CSMD1: variants seen among roughly 807,000 people sequenced by gnomAD.
CSMD1 encodes CUB and sushi domain-containing protein 1.
In CSMD1, 213 loss-of-function variants were observed where a neutral mutation model predicts 417.5. The ratio of observed to expected loss-of-function variants is 0.51; its 90% CI spans 0.46 to 0.57. The LOEUF (loss-of-function observed/expected upper bound fraction) is 0.57, where lower values mean the gene tolerates loss of function less well. CSMD1 is among the 20% of genes least tolerant of loss of function. CSMD1 has a pLI of 0.00. For synonymous variants in CSMD1, 2,862 were observed against 1,736.8 expected (o/e 1.65, Z -16.11); for missense variants, 6,923 against 4,529.7 (o/e 1.53, Z -15.17).
intron 10 of CSMD1, among the ~76,000 whole-genome samples, chr8:3,574,319 C>T (rs768162807): frequency 1.3e-5 from 2 of 152,230 alleles, no homozygotes; most frequent in Non-Finnish European, 2.9e-5. Flanking sequence ...TGGCCCACTT[C>T]AAGCTCTGCC....
chr8:3,743,236 G>T (rs1796902358), intron 6 of CSMD1, among the ~76,000 whole-genome samples: 1 of 152,090 alleles, frequency 6.6e-6, no homozygotes, highest in Non-Finnish European at 1.5e-5. Flanking sequence ...GTTTTATTTT[G>T]CTCAGGCATT....
chr8:4,780,774 G>C (rs1195836007), intron 1 of CSMD1, among the ~76,000 whole-genome samples: 1 of 151,930 alleles, frequency 6.6e-6, no homozygotes, highest in Admixed American at 6.6e-5. Flanking sequence ...TTATGCCTTT[G>C]TGTCCTCATA....
intron 40 of CSMD1, 129 bp downstream of exon 40, chr8:3,151,268 A>C: frequency 1.7e-6 from 1 of 604,008 alleles, no homozygotes; most frequent in South Asian, 2.3e-5. Flanking sequence ...GCTTTATTTA[A>C]ATCTGTACGC....
At chr8:3,545,101 G>C (rs1309788988) in intron 10 of CSMD1, among the ~76,000 whole-genome samples, 4 of 152,068 alleles carry the variant, frequency 2.6e-5, no homozygotes, top group African/African-American at 4.8e-5. Flanking sequence ...ATAAAACCTA[G>C]GACAGGTATC....
chr8:3,597,473 G>C (rs1006035377), intron 8 of CSMD1, among the ~76,000 whole-genome samples: 2 of 151,980 alleles, frequency 1.3e-5, no homozygotes, highest in Non-Finnish European at 2.9e-5. Context: ...AGGTCACCAG[G>C]CTATTAAATA....
chr8:4,032,889 G>C (rs908244310), intron 3 of CSMD1, among the ~76,000 whole-genome samples: 29 of 152,090 alleles, frequency 1.9e-4, no homozygotes, highest in African/African-American at 6.8e-4. Flanking sequence ...GCCGTGGTGG[G>C]ATGGGGCAGT....
chr8:4,644,217 C>G (rs1244126215), intron 1 of CSMD1, among the ~76,000 whole-genome samples: 1 of 152,170 alleles, frequency 6.6e-6, no homozygotes. Context: ...AGTGTCACTT[C>G]TTTCCCTTCC....
At chr8:3,853,320 C>G (rs1287362434) in intron 5 of CSMD1, among the ~76,000 whole-genome samples, 1 of 152,160 alleles carries the variant, frequency 6.6e-6, no homozygotes, top group Non-Finnish European at 1.5e-5. Context: ...TCTCACCTGA[C>G]ACTTATTATT....
intron 1 of CSMD1, among the ~76,000 whole-genome samples, chr8:4,644,651 G>A (rs1164899513): frequency 6.6e-6 from 1 of 152,178 alleles, no homozygotes; most frequent in Non-Finnish European, 1.5e-5. Context: ...TCAGGTGATG[G>A]CCTCGCCTCA....
At chr8:3,567,682 G>T (rs149774261) in intron 10 of CSMD1, among the ~76,000 whole-genome samples, 2 of 152,198 alleles carry the variant, frequency 1.3e-5, no homozygotes, top group African/African-American at 2.4e-5. Context: ...CAATGCAACT[G>T]TACAGAAAGA....
chr8:4,248,258 T>A (rs576912335), intron 3 of CSMD1, among the ~76,000 whole-genome samples: 2 of 152,254 alleles, frequency 1.3e-5, no homozygotes, highest in Admixed American at 1.3e-4. Flanking sequence ...AACATTCAAG[T>A]CTTAATTTCT....
At chr8:3,484,655 C>T (rs903424984) in intron 11 of CSMD1, among the ~76,000 whole-genome samples, 17 of 152,208 alleles carry the variant, frequency 1.1e-4, no homozygotes, top group East Asian at 1.9e-4. Context: ...AAAGACAAGC[C>T]GCAGACTGAG....
At chr8:4,919,002 G>A (rs771322859) in intron 1 of CSMD1, among the ~76,000 whole-genome samples, 9 of 152,124 alleles carry the variant, frequency 5.9e-5, no homozygotes, top group Non-Finnish European at 1.3e-4. Context: ...TAAAATACAT[G>A]TACCAAAAGA....
intron 22 of CSMD1, among the ~76,000 whole-genome samples, chr8:3,344,322 G>T (rs1227560548): frequency 6.6e-6 from 1 of 152,182 alleles, no homozygotes; most frequent in Non-Finnish European, 1.5e-5. Flanking sequence ...TGACTTTCTA[G>T]TAGGACAAAT....
chr8:3,403,042 G>C (rs980611111), intron 15 of CSMD1, among the ~76,000 whole-genome samples: 1 of 152,028 alleles, frequency 6.6e-6, no homozygotes, highest in South Asian at 2.1e-4. Flanking sequence ...AATTATAGTG[G>C]ACTTTTTATG....
intron 1 of CSMD1, among the ~76,000 whole-genome samples, chr8:4,656,080 G>C (rs1229150958): frequency 6.6e-6 from 1 of 152,068 alleles, no homozygotes; most frequent in South Asian, 2.1e-4. Context: ...ACAGTAATGG[G>C]AAAGACAATG....
chr8:4,078,272 T>C (rs1395590290), intron 3 of CSMD1, among the ~76,000 whole-genome samples: 1 of 152,010 alleles, frequency 6.6e-6, no homozygotes, highest in African/African-American at 2.4e-5. Flanking sequence ...GCATTGATAA[T>C]GCAGACCTAA....
intron 36 of CSMD1, among the ~76,000 whole-genome samples, chr8:3,181,747 G>C (rs1398923425): frequency 1.3e-5 from 2 of 152,128 alleles, no homozygotes; most frequent in African/African-American, 2.4e-5. Flanking sequence ...GCATGAAAAG[G>C]AATATATAGG....
chr8:4,376,893 G>A (rs113019443), intron 3 of CSMD1, among the ~76,000 whole-genome samples: 1 of 152,124 alleles, frequency 6.6e-6, no homozygotes, highest in Non-Finnish European at 1.5e-5. Flanking sequence ...CTTGGATTTT[G>A]TATTTTGGAC....
Sources: allele counts gnomAD v4.1 joint callset (sites outside exome capture counted in the v4.1 genomes callset), GRCh38; gene constraint gnomAD v4.1.1; transcripts MANE v1.5; gene names NCBI Gene and HGNC (gene_info 2026-07-23, HGNC 2026-07-21).